The following OCA2 variants were observed in gnomAD, a reference collection of about 807,000 sequenced individuals.
OCA2 encodes OCA2 melanosomal transmembrane protein.
In OCA2, 77 loss-of-function variants were observed where a neutral mutation model predicts 100.2. The ratio of observed to expected loss-of-function variants is 0.77; its 90% CI spans 0.64 to 0.93. The LOEUF (loss-of-function observed/expected upper bound fraction) is 0.93. Among genes scored for constraint, OCA2 ranks in the 40% least tolerant of loss-of-function variants. The pLI is 0.00. For missense variants in OCA2, 1,062 were observed against 1,089.1 expected, an observed-to-expected ratio of 0.98 and a Z score of 0.35; for synonymous variants, 432 against 439.2, an observed-to-expected ratio of 0.98 and a Z score of 0.21.
At chr15:27,985,785 G>A (rs747133963) in intron 12 of OCA2, among the ~76,000 whole-genome samples, 18 of 150,228 alleles carry the variant, frequency 1.2e-4, no homozygotes, top group South Asian at 4.2e-4. Context: ...CTCCACGCCT[G>A]GGGTTCAAGC....
chr15:27,901,325 G>A (rs766641771), intron 19 of OCA2, among the ~76,000 whole-genome samples: 5 of 152,198 alleles, frequency 3.3e-5, no homozygotes, highest in Non-Finnish European at 5.9e-5. Context: ...CCTGCTGCTG[G>A]CAGCTCTCCC....
At chr15:27,987,357 C>A (rs1216490569) in intron 11 of OCA2, among the ~76,000 whole-genome samples, 1 of 152,142 alleles carries the variant, frequency 6.6e-6, no homozygotes, top group African/African-American at 2.4e-5. Context: ...TCTTTGATGG[C>A]AGTCACCATG....
intron 2 of OCA2, among the ~76,000 whole-genome samples, chr15:28,037,712 A>T (rs1351413221): frequency 6.6e-6 from 1 of 152,222 alleles, no homozygotes; most frequent in Non-Finnish European, 1.5e-5. Flanking sequence ...CTGAAGGTAG[A>T]TAATATTATC....
chr15:27,780,290 T>G (rs1455749908), intron 23 of OCA2, among the ~76,000 whole-genome samples: 2 of 152,224 alleles, frequency 1.3e-5, no homozygotes, highest in African/African-American at 4.8e-5. Flanking sequence ...GAAAGTGGTA[T>G]GCCCGAGACT....
At chr15:27,725,752 C>G in the OCA2 span, among the ~76,000 whole-genome samples, 170 of 152,228 alleles carry the variant, frequency 1.1e-3, 1 homozygote, top group Non-Finnish European at 1.2e-3. Context: ...GGTCTTCCTT[C>G]TCTTAGGTTT....
At chr15:27,956,972 T>C (rs1282616794) in intron 16 of OCA2, among the ~76,000 whole-genome samples, 1 of 152,186 alleles carries the variant, frequency 6.6e-6, no homozygotes, top group African/African-American at 2.4e-5. Context: ...AGCTCAGCTG[T>C]GGGGACGCTT....
chr15:27,766,745 C>T (rs1343192091), intron 23 of OCA2, among the ~76,000 whole-genome samples: 1 of 152,220 alleles, frequency 6.6e-6, no homozygotes, highest in East Asian at 1.9e-4. Flanking sequence ...CCCAGCCCAG[C>T]AGCCCTGCTT....
In OCA2 at chr15:27,930,451, C is replaced by T. The variant is rs984652571; in HGVS notation, c.1952-4197G>A. Among the ~76,000 whole-genome samples the T allele has an allele frequency of 4.0e-5, 6 of 151,848 alleles. No individual in the cohort carries two copies. The East Asian group carries it at 9.9e-4, about 25-fold the overall frequency. On this transcript the variant is annotated intron_variant, in intron 18 of 23. Transcript: ENST00000354638. ...AGAAAATTTAAATAGCAGGGTTTGA[C>T]AAGCTATAGTCCATGGGTCAAATCT...
chr15:27,996,447 A>G (rs1003400053), intron 9 of OCA2, among the ~76,000 whole-genome samples: 4 of 152,120 alleles, frequency 2.6e-5, no homozygotes, highest in African/African-American at 7.2e-5. Context: ...TAGAAGAGCC[A>G]GCTAAGCCCA....
At chr15:27,857,515 A>C (rs977269891) in intron 21 of OCA2, among the ~76,000 whole-genome samples, 2 of 152,154 alleles carry the variant, frequency 1.3e-5, no homozygotes, top group Non-Finnish European at 2.9e-5. Flanking sequence ...AAATTTACTT[A>C]ATGCTACTAA....
chr15:27,887,295 A>T (rs116569252), intron 19 of OCA2, among the ~76,000 whole-genome samples: 2,372 of 150,128 alleles, frequency 0.016, 56 homozygotes, highest in African/African-American at 0.051. Context: ...AGCTGCAGGG[A>T]GTATTTCATC....
intron 23 of OCA2, among the ~76,000 whole-genome samples, chr15:27,814,536 T>TC (rs2034203243): frequency 3.9e-5 from 6 of 152,186 alleles, no homozygotes; most frequent in Admixed American, 3.9e-4. Flanking sequence ...TCAGTCAATC[T>TC]TTAAGATTAT....
chr15:28,012,003 T>G (rs2042255902), intron 9 of OCA2, among the ~76,000 whole-genome samples: 1 of 149,880 alleles, frequency 6.7e-6, no homozygotes, highest in Non-Finnish European at 1.5e-5. Flanking sequence ...AAAAAAATTA[T>G]AAACTAGACT....
At chr15:28,069,379 T>C (rs866688715) in intron 2 of OCA2, among the ~76,000 whole-genome samples, 15 of 7,628 alleles carry the variant, frequency 2.0e-3, no homozygotes, top group South Asian at 0.022. Flanking sequence ...CCTCTCCCTC[T>C]CCCTCCCCCT....
At chr15:27,770,878 C>T (rs1566949216) in intron 23 of OCA2, among the ~76,000 whole-genome samples, 20 of 82,188 alleles carry the variant, frequency 2.4e-4, no homozygotes, top group African/African-American at 6.8e-4. Flanking sequence ...TCCCTCCTTC[C>T]TTTGCTCCTT....
chr15:27,752,752 C>T (rs534247257), downstream of OCA2, among the ~76,000 whole-genome samples: 6 of 145,984 alleles, frequency 4.1e-5, no homozygotes, highest in Admixed American at 2.8e-4. Context: ...CGGCTCCCGT[C>T]CAGTCCCTCT....
intron 19 of OCA2, among the ~76,000 whole-genome samples, chr15:27,920,332 C>T (rs1414006307): frequency 4.6e-5 from 7 of 152,114 alleles, no homozygotes; most frequent in Non-Finnish European, 8.8e-5. Flanking sequence ...ACTATGCTAA[C>T]ATCAGACAAA....
chr15:28,026,945 C>G (rs2042766788), intron 4 of OCA2, among the ~76,000 whole-genome samples: 1 of 152,228 alleles, frequency 6.6e-6, no homozygotes, highest in Admixed American at 6.5e-5. Context: ...GCCAGGAGGG[C>G]ATCGCGTGAC....
At chr15:27,833,819 T>G (rs570128288) in intron 23 of OCA2, among the ~76,000 whole-genome samples, 1 of 152,078 alleles carries the variant, frequency 6.6e-6, no homozygotes, top group East Asian at 1.9e-4. Context: ...TCTCCGGAGA[T>G]CTCACCCCAG....
Sources: gnomAD v4.1 joint callset for allele counts (sites outside exome capture counted in the v4.1 genomes callset) on GRCh38, gnomAD v4.1.1 for gene constraint, MANE v1.5 for transcripts, NCBI Gene and HGNC (gene_info 2026-07-23, HGNC 2026-07-21) for gene names.